The following SDK1 variants were observed in gnomAD, a reference collection of about 807,000 sequenced individuals.
The protein encoded by SDK1 is protein sidekick-1.
In SDK1, 157 loss-of-function variants were observed where a neutral mutation model predicts 245.5. The observed-to-expected ratio is 0.64, with a 90% confidence interval of 0.56 to 0.73. The LOEUF (loss-of-function observed/expected upper bound fraction) is 0.73. Among genes scored for constraint, SDK1 ranks in the 30% least tolerant of loss-of-function variants. The pLI, the probability that SDK1 is intolerant of heterozygous loss-of-function variation, is 0.00. For missense variants in SDK1, 3,583 were observed against 3,002.3 expected, an observed-to-expected ratio of 1.19 and a Z score of -4.52; for synonymous variants, 1,647 against 1,278.5, an observed-to-expected ratio of 1.29 and a Z score of -6.15.
intron 1 of SDK1, among the ~76,000 whole-genome samples, chr7:3,380,316 T>A (rs1039281718): frequency 6.6e-6 from 1 of 152,216 alleles, no homozygotes; most frequent in African/African-American, 2.4e-5. Flanking sequence ...TCCTTAGGAA[T>A]TCTTGCTAGT....
Position 4,193,064 on chromosome 7 carries a change from TATA to T in SDK1, c.5099-12811_5099-12809del, listed in dbSNP as rs1483540409. 4.3e-5 allele frequency among the ~76,000 whole-genome samples: 6 copies of T among 138,298 alleles called. No homozygotes were observed. The South Asian group carries it at 6.5e-4, about 15-fold the overall frequency. The allele number at this position is 138,298 out of a possible 152,430, so 90.7% of individuals were successfully genotyped here. On this transcript the variant is annotated intron_variant, in intron 35 of 44. Transcript: ENST00000404826. ...AGATACAAAAATATATAATATATAT[TATA>T]ATATATAATATATAAAATACAAATG...
intron 5 of SDK1, among the ~76,000 whole-genome samples, chr7:3,860,221 C>G (rs375329082): frequency 1.0e-3 from 152 of 152,190 alleles, no homozygotes; most frequent in Admixed American, 1.6e-3. Flanking sequence ...TTTAAAACCT[C>G]TATGTAACAA....
intron 16 of SDK1, among the ~76,000 whole-genome samples, chr7:4,013,631 A>G (rs1374070156): frequency 6.6e-6 from 1 of 152,194 alleles, no homozygotes; most frequent in Non-Finnish European, 1.5e-5. Context: ...ATCATTTAAT[A>G]TGTGTTTTTC....
At chr7:3,680,711 A>G (rs550997985) in intron 4 of SDK1, among the ~76,000 whole-genome samples, 2 of 152,380 alleles carry the variant, frequency 1.3e-5, no homozygotes, top group South Asian at 4.1e-4. Context: ...ATGAATGTCA[A>G]GAAATGGAAC....
At chr7:3,469,041 A>G (rs1781100154) in intron 1 of SDK1, among the ~76,000 whole-genome samples, 1 of 152,170 alleles carries the variant, frequency 6.6e-6, no homozygotes, top group Non-Finnish European at 1.5e-5. Context: ...TTTGCTGATC[A>G]TGTCATTATG....
chr7:3,596,567 A>G (rs1326821685), intron 1 of SDK1, among the ~76,000 whole-genome samples: 1 of 152,176 alleles, frequency 6.6e-6, no homozygotes, highest in Non-Finnish European at 1.5e-5. Flanking sequence ...CTCCAGATGA[A>G]CGTCTCCATC....
chr7:3,624,891 C>A lies in SDK1; in HGVS notation c.458+5652C>A, dbSNP rs74877303. Among the ~76,000 whole-genome samples the A allele has an allele frequency of 5.0e-3, 766 of 151,922 alleles. 4 individuals carry two copies. Among genetic ancestry groups the A allele is most frequent in the African/African-American group, 0.018 (735 of 41,446 alleles). On this transcript the variant is annotated intron_variant, in intron 2 of 44. Coordinates refer to ENST00000404826, the MANE Select transcript of SDK1 (RefSeq NM_152744.4). ...AGAAACCCCATCTCTACTAAAAATACAAAATTAGCTGGTTGTCGTGGTGCA... is the reference window on the plus strand; with the variant it reads ...AGAAACCCCATCTCTACTAAAAATAAAAAATTAGCTGGTTGTCGTGGTGCA...
chr7:3,597,101 T>C (rs1383808830), intron 1 of SDK1, among the ~76,000 whole-genome samples: 2 of 151,794 alleles, frequency 1.3e-5, no homozygotes, highest in Non-Finnish European at 2.9e-5. Context: ...AAACCCTGTC[T>C]CTACTAAAAA....
chr7:3,615,803 T>C (rs1207170804), intron 1 of SDK1, among the ~76,000 whole-genome samples: 2 of 151,708 alleles, frequency 1.3e-5, no homozygotes, highest in Non-Finnish European at 2.9e-5. Flanking sequence ...CGCCCTCTTT[T>C]TTTCCTTCTC....
At chr7:3,939,255 C>G (rs1780271354) in intron 5 of SDK1, among the ~76,000 whole-genome samples, 1 of 152,224 alleles carries the variant, frequency 6.6e-6, no homozygotes, top group African/African-American at 2.4e-5. Context: ...ACTGCACAAT[C>G]CTGATGCCTT....
At chr7:4,100,392 G>A (rs978567668) in intron 22 of SDK1, among the ~76,000 whole-genome samples, 1 of 152,176 alleles carries the variant, frequency 6.6e-6, no homozygotes, top group African/African-American at 2.4e-5. Context: ...ACACTTGGGA[G>A]ATGTGAACAA....
intron 4 of SDK1, among the ~76,000 whole-genome samples, chr7:3,766,579 A>G (rs906302295): frequency 7.9e-5 from 12 of 152,234 alleles, no homozygotes; most frequent in African/African-American, 2.9e-4. Context: ...TGAGATACTT[A>G]GAGCAGTACT....
intron 44 of SDK1, among the ~76,000 whole-genome samples, chr7:4,251,077 G>C (rs2128240807): frequency 6.6e-6 from 1 of 152,216 alleles, no homozygotes; most frequent in South Asian, 2.1e-4. Flanking sequence ...AATGTTTTCA[G>C]AGTTCATCAG....
chr7:3,755,675 C>G (rs771330786), intron 4 of SDK1, among the ~76,000 whole-genome samples: 10 of 152,120 alleles, frequency 6.6e-5, no homozygotes, highest in Non-Finnish European at 1.2e-4. Flanking sequence ...CTCCTTCCCC[C>G]CAACCCCTCA....
chr7:4,243,870 A>G (rs932473056), intron 43 of SDK1, among the ~76,000 whole-genome samples: 1 of 152,114 alleles, frequency 6.6e-6, no homozygotes, highest in South Asian at 2.1e-4. Context: ...ATCATCCCCA[A>G]AATATCTTAG....
intron 5 of SDK1, among the ~76,000 whole-genome samples, chr7:3,923,724 C>T (rs999415127): frequency 1.3e-5 from 2 of 152,236 alleles, no homozygotes; most frequent in Non-Finnish European, 2.9e-5. Flanking sequence ...GTTTAGTCCC[C>T]TCATGGCAAC....
chr7:3,935,805 C>T (rs527593102), intron 5 of SDK1, among the ~76,000 whole-genome samples: 5 of 152,284 alleles, frequency 3.3e-5, no homozygotes, highest in East Asian at 1.9e-4. Flanking sequence ...AAATGTATGA[C>T]GAAGTAGCCT....
At chr7:3,650,614 G>A (rs1404691614) in intron 4 of SDK1, among the ~76,000 whole-genome samples, 2 of 152,132 alleles carry the variant, frequency 1.3e-5, no homozygotes, top group Non-Finnish European at 2.9e-5. Flanking sequence ...ATCACAACCA[G>A]GATACTGACT....
At chr7:3,624,501 G>A (rs1562611305) in intron 2 of SDK1, among the ~76,000 whole-genome samples, 2 of 151,954 alleles carry the variant, frequency 1.3e-5, no homozygotes, top group Admixed American at 6.6e-5. Flanking sequence ...ACCTGGCCTG[G>A]ATATTTTAAT....
Sources: gnomAD v4.1 joint callset for allele counts (sites outside exome capture counted in the v4.1 genomes callset) on GRCh38, gnomAD v4.1.1 for gene constraint, MANE v1.5 for transcripts, NCBI Gene and HGNC (gene_info 2026-07-23, HGNC 2026-07-21) for gene names.